FANCD2: variants seen among roughly 807,000 people sequenced by gnomAD.
The protein encoded by FANCD2 is FA complementation group D2.
In FANCD2, 131 loss-of-function variants were observed where a neutral mutation model predicts 192.3. The observed-to-expected ratio is 0.68, with a 90% confidence interval of 0.59 to 0.79. The LOEUF is 0.79. Ranked by LOEUF, FANCD2 falls within the 30% of genes least tolerant of loss-of-function variation. The pLI is 0.00. For synonymous variants in FANCD2, 524 were observed against 612.5 expected (o/e 0.86, Z 2.13); for missense variants, 1,508 against 1,701.6 (o/e 0.89, Z 2.00).
chr3:10,088,931 A>G lies in FANCD2; in HGVS notation c.3664A>G (p.Thr1222Ala). 1 of 1,613,870 alleles carries G rather than the reference A, an allele frequency of 6.2e-7. No homozygotes were observed. Among genetic ancestry groups the G allele is most frequent in the East Asian group, 2.2e-5 (1 of 44,842 alleles). Residue 1222 changes from threonine to alanine, a missense_variant, in exon 36 of 44, where the codon ACA (threonine) becomes GCA (alanine). Around this residue, in one of 5 missense-constraint regions of FANCD2, gnomAD observed 796 missense variants for 879.4 expected, o/e 0.91. Coordinates refer to ENST00000675286, the MANE Select transcript of FANCD2 (RefSeq NM_001018115.3). ...INSPKDASSS[T>A]FPTLTRHTFV... ...CTCTCCTAAAGATGCATCTTCCTCCACATTCCCTACACTGACCAGGTAAGG... is the reference window on the plus strand; with the variant it reads ...CTCTCCTAAAGATGCATCTTCCTCCGCATTCCCTACACTGACCAGGTAAGG...
At position 10,088,820 on chromosome 3, in the gene FANCD2, C is replaced by T. The variant is rs2125077511; in HGVS notation, c.3561-8C>T. 2 of 1,613,854 alleles carry T rather than the reference C, an allele frequency of 1.2e-6. No homozygotes were observed. Among genetic ancestry groups the T allele is most frequent in the Non-Finnish European group, 1.7e-6 (2 of 1,179,844 alleles). On this transcript the variant is annotated splice_polypyrimidine_tract_variant and splice_region_variant and intron_variant, in intron 35 of 43. Coordinates refer to ENST00000675286, the MANE Select transcript of FANCD2 (RefSeq NM_001018115.3). ...ATTAGTGGGTCAAATATTTGACTCT[C>T]AATGCAGTATCTACCTGGAGCACAC...
Position 10,100,709 on chromosome 3 carries a change from C to T in FANCD2, c.4282-479C>T, listed in dbSNP as rs34765852. Among the ~76,000 whole-genome samples, 259 of 152,204 alleles carry T rather than the reference C, an allele frequency of 1.7e-3. 1 individual carries two copies. Among genetic ancestry groups the T allele is most frequent in the African/African-American group, 5.9e-3 (245 of 41,556 alleles). Reference sequence around the variant, plus strand: ...TTGTAATAAATATTTCATTCTATATCGAATGCCCTCTTTGTTCCTATGTCA... The same window carrying T: ...TTGTAATAAATATTTCATTCTATATTGAATGCCCTCTTTGTTCCTATGTCA... On this transcript the variant is annotated intron_variant, in intron 43 of 43. Transcript: ENST00000675286.
chr3:10,049,445 C>G lies in FANCD2; in HGVS notation c.1485C>G (p.Val495=), dbSNP rs1380166661. 2 of 1,609,478 alleles carry G rather than the reference C, an allele frequency of 1.2e-6. No individual in the cohort carries two copies. The change falls in exon 17 of 44, where the codon GTC becomes GTG. Residue 495 remains valine (V), a synonymous_variant. Coordinates refer to ENST00000675286, the MANE Select transcript of FANCD2 (RefSeq NM_001018115.3). The stretch of plus-strand genomic sequence containing the variant: ...CTGAAGTTGATACTGCCTTAGATGT[C>G]CTTCTAGAGTTGGTAGTGTTAAACC... ...NEAEVDTALD[V]LLELVVLNPS...
intron 26 of FANCD2, among the ~76,000 whole-genome samples, chr3:10,071,306 G>T (rs1398900866): frequency 6.6e-6 from 1 of 152,064 alleles, no homozygotes; most frequent in Non-Finnish European, 1.5e-5. Context: ...ACTAAAAATA[G>T]AATCACCATA....
At chr3:10,071,125 T>TAAAAAAAAAAAAAAAAA (rs35134252) in intron 26 of FANCD2, among the ~76,000 whole-genome samples, 1 of 77,932 alleles carries the variant, frequency 1.3e-5, no homozygotes, top group Non-Finnish European at 3.0e-5. Flanking sequence ...GAATGATCGA[T>TAAAAAAAAAAAAAAAAA]AAAAAAAAAA....
chr3:10,086,612 G>T (rs887428012), intron 33 of FANCD2, among the ~76,000 whole-genome samples: 1 of 152,014 alleles, frequency 6.6e-6, no homozygotes, highest in African/African-American at 2.4e-5. Flanking sequence ...CTCCCAAGAC[G>T]CTGGGATTAC....
chr3:10,069,464 TCC>T (rs1301169458), intron 26 of FANCD2, among the ~76,000 whole-genome samples: 60 of 102,964 alleles, frequency 5.8e-4, no homozygotes, highest in African/African-American at 3.2e-3. Flanking sequence ...AAGATGCCTC[TCC>T]CCCTCCCCCT....
chr3:10,027,229 C>G (rs2086474368), intron 1 of FANCD2, among the ~76,000 whole-genome samples: 2 of 152,042 alleles, frequency 1.3e-5, no homozygotes, highest in Admixed American at 1.3e-4. Context: ...TCAAAGAGCC[C>G]CAGTCTAGTG....
At chr3:10,041,460 G>A in intron 9 of FANCD2, 163 bp from the exon 10 acceptor site, 1 of 579,882 alleles carries the variant, frequency 1.7e-6, no homozygotes, top group Non-Finnish European at 3.1e-6. Context: ...ATTATTTTTT[G>A]CAGTCAAAAC....
At chr3:10,088,651 T>A in intron 35 of FANCD2, 109 bp downstream of exon 35, 1 of 1,078,164 alleles carries the variant, frequency 9.3e-7, no homozygotes, top group Non-Finnish European at 1.4e-6. Context: ...TTGAAAACAA[T>A]GAAGTAGGTT....
At chr3:10,034,222 G>A (rs553363014) in intron 3 of FANCD2, among the ~76,000 whole-genome samples, 1 of 150,886 alleles carries the variant, frequency 6.6e-6, no homozygotes, top group Non-Finnish European at 1.5e-5. Context: ...TACTTGGGGG[G>A]GCTGAGGCAG....
chr3:10,069,325 A>G (rs6804649), intron 26 of FANCD2, among the ~76,000 whole-genome samples: 29,738 of 152,072 alleles, frequency 0.2, 3,365 homozygotes, highest in African/African-American at 0.31. Flanking sequence ...AAAAATGGGT[A>G]AAAGGTCTGA....
intron 18 of FANCD2, among the ~76,000 whole-genome samples, chr3:10,055,497 T>G (rs1464929665): frequency 8.5e-5 from 13 of 152,174 alleles, no homozygotes; most frequent in Non-Finnish European, 1.9e-4. Context: ...CATCAGAACT[T>G]TATTCCCATT....
intron 20 of FANCD2, among the ~76,000 whole-genome samples, chr3:10,062,842 T>C (rs1227015786): frequency 1.3e-5 from 2 of 152,176 alleles, no homozygotes; most frequent in Admixed American, 6.5e-5. Context: ...TGCACCACCA[T>C]GCCCAGTTAA....
intron 10 of FANCD2, 101 bp downstream of exon 10, chr3:10,041,811 G>T: frequency 7.5e-6 from 6 of 798,426 alleles, no homozygotes; most frequent in Non-Finnish European, 6.6e-6. Context: ...ATTTCATTTT[G>T]AAACCATAGT....
chr3:10,042,943 T>G, intron 11 of FANCD2, 107 bp from the exon 12 acceptor site: 1 of 1,023,420 alleles, frequency 9.8e-7, no homozygotes, highest in South Asian at 1.4e-5. Flanking sequence ...AACATTTAAA[T>G]TTTTTTCTTC....
Position 10,039,333 on chromosome 3 carries a change from G to T in FANCD2, c.546G>T (p.Trp182Cys), listed in dbSNP as rs748282305. 1 of 1,613,784 alleles carries T rather than the reference G, an allele frequency of 6.2e-7. No homozygotes were observed. The highest frequency in any genetic ancestry group is 8.5e-7 in the Non-Finnish European group (1 of 1,179,730). The change falls in exon 8 of 44, where the codon TGG becomes TGT. Residue 182 changes from tryptophan (W) to cysteine (C), a missense_variant. Trp to Cys is a radical substitution (Grantham distance 215, BLOSUM62 -2). Coordinates refer to ENST00000675286, the MANE Select transcript of FANCD2 (RefSeq NM_001018115.3). ...IPRLIVSQLK[W>C]LDRVVDGKDL... ...GACTCATTGTCAGTCAACTAAAATGGCTTGACAGAGTTGTGGATGGCAAGG... is the reference window on the plus strand; with the variant it reads ...GACTCATTGTCAGTCAACTAAAATGTCTTGACAGAGTTGTGGATGGCAAGG...
chr3:10,099,294 A>G, intron 43 of FANCD2: 1 of 1,246,382 alleles, frequency 8.0e-7, no homozygotes, highest in Non-Finnish European at 1.0e-6. Flanking sequence ...TTTTTGTGGT[A>G]CAGATGCTTT....
intron 2 of FANCD2, among the ~76,000 whole-genome samples, chr3:10,030,176 A>C (rs1266123390): frequency 1.3e-5 from 2 of 150,358 alleles, no homozygotes; most frequent in East Asian, 3.9e-4. Context: ...GGCTCACTGC[A>C]ACCTCCGCCT....
Sources: allele counts gnomAD v4.1 joint callset (sites outside exome capture counted in the v4.1 genomes callset), GRCh38; gene constraint gnomAD v4.1.1; regional missense constraint gnomAD v4.1.1; transcripts MANE v1.5; gene names NCBI Gene and HGNC (gene_info 2026-07-23, HGNC 2026-07-21).